Variants in MAST4 observed in about 807,000 individuals in gnomAD.
MAST4 encodes the protein microtubule-associated serine/threonine-protein kinase 4.
A neutral mutation model predicts 162.7 loss-of-function variants in MAST4; 89 were observed. That is an observed-to-expected ratio of 0.55 (90% CI 0.46 to 0.65). The LOEUF (loss-of-function observed/expected upper bound fraction) is 0.65, where lower values mean the gene tolerates loss of function less well. Among genes scored for constraint, MAST4 ranks in the 30% least tolerant of loss-of-function variants. The probability of loss-of-function intolerance (pLI) is 0.00; values close to 1 mark genes in which losing one functional copy is unlikely to be tolerated. For missense variants in MAST4, 3,153 were observed against 3,374.0 expected, an observed-to-expected ratio of 0.93 and a Z score of 1.62; for synonymous variants, 1,479 against 1,361.1, an observed-to-expected ratio of 1.09 and a Z score of -1.91.
intron 1 of MAST4, among the ~76,000 whole-genome samples, chr5:66,636,409 A>G (rs540617103): frequency 3.3e-5 from 5 of 152,314 alleles, no homozygotes; most frequent in Middle Eastern, 3.4e-3. Context: ...CATGTTTATT[A>G]CAGTGCTTTG....
At chr5:66,725,048 T>G (rs1751427468) in intron 1 of MAST4, among the ~76,000 whole-genome samples, 1 of 152,026 alleles carries the variant, frequency 6.6e-6, no homozygotes, top group African/African-American at 2.4e-5. Flanking sequence ...GAAATATTAT[T>G]TCATTTTAAA....
intron 3 of MAST4, among the ~76,000 whole-genome samples, chr5:66,813,590 T>A (rs1756577490): frequency 6.6e-6 from 1 of 152,212 alleles, no homozygotes; most frequent in African/African-American, 2.4e-5. Flanking sequence ...GAACAGAATA[T>A]CTCTGAGTCT....
At chr5:67,117,612 T>C (rs1374079804) in intron 12 of MAST4, among the ~76,000 whole-genome samples, 1 of 151,922 alleles carries the variant, frequency 6.6e-6, no homozygotes, top group Non-Finnish European at 1.5e-5. Flanking sequence ...AAACTATGAC[T>C]TTTATTATGC....
chr5:66,993,687 G>C (rs1297057267), intron 4 of MAST4, among the ~76,000 whole-genome samples: 1 of 152,156 alleles, frequency 6.6e-6, no homozygotes, highest in Non-Finnish European at 1.5e-5. Flanking sequence ...CTGTGTCTGA[G>C]GAGCTTAAAG....
At chr5:66,666,235 T>A (rs770324550) in intron 1 of MAST4, among the ~76,000 whole-genome samples, 1 of 152,206 alleles carries the variant, frequency 6.6e-6, no homozygotes, top group Non-Finnish European at 1.5e-5. Flanking sequence ...GCTCATATTT[T>A]TATTCTGGAT....
chr5:66,679,206 G>T (rs1748163412), intron 1 of MAST4, among the ~76,000 whole-genome samples: 1 of 152,214 alleles, frequency 6.6e-6, no homozygotes, highest in South Asian at 2.1e-4. Context: ...GGAGGCAGAG[G>T]GGATATTGAG....
intron 3 of MAST4, among the ~76,000 whole-genome samples, chr5:66,819,473 T>C (rs1311547329): frequency 2.6e-5 from 4 of 152,140 alleles, no homozygotes; most frequent in South Asian, 2.1e-4. Flanking sequence ...ACTTAGGGTT[T>C]AAAATAGTCA....
chr5:67,117,805 C>T (rs1390294577), intron 12 of MAST4, among the ~76,000 whole-genome samples: 1 of 152,024 alleles, frequency 6.6e-6, no homozygotes, highest in Non-Finnish European at 1.5e-5. Context: ...TTGATTGTCT[C>T]ATCTACTTCT....
chr5:66,907,244 C>T (rs1763431811), intron 4 of MAST4, among the ~76,000 whole-genome samples: 1 of 137,590 alleles, frequency 7.3e-6, no homozygotes, highest in African/African-American at 2.8e-5. Context: ...AGATAGAATC[C>T]CAGGTCACCA....
In MAST4 at chr5:66,664,065, C is replaced by T. The variant is rs2149464166; in HGVS notation, c.363+67047C>T. On this transcript the variant is annotated intron_variant, in intron 1 of 28. Coordinates refer to ENST00000403625, the MANE Select transcript of MAST4 (RefSeq NM_001164664.2). ...TAGGGTGTAAGAAAGAGAGGAGGTA[C>T]CAAGAGTTTCTGGTGTGAGAATAGA... Among the ~76,000 whole-genome samples the T allele has an allele frequency of 3.9e-5, 6 of 152,092 alleles. No homozygotes were observed. In the South Asian group the frequency reaches 1.3e-3, roughly 32 times the overall value.
Position 66,624,796 on chromosome 5 carries a change from T to C in MAST4, c.363+27778T>C, listed in dbSNP as rs976935107. Among the ~76,000 whole-genome samples, 6 of 152,272 alleles carry C rather than the reference T, an allele frequency of 3.9e-5. 1 individual carries two copies. The highest frequency in any genetic ancestry group is 2.6e-4 in the Admixed American group (4 of 15,306). ...TGCCAAGTGTGTAACGGGGAAAGGA[T>C]AGACTTTTCAGCAAAAGAATAAAAT... On this transcript the variant is annotated intron_variant, in intron 1 of 28. Coordinates refer to ENST00000403625, the MANE Select transcript of MAST4 (RefSeq NM_001164664.2).
chr5:67,094,796 A>G (rs1041848274), intron 6 of MAST4, among the ~76,000 whole-genome samples: 1 of 152,122 alleles, frequency 6.6e-6, no homozygotes, highest in African/African-American at 2.4e-5. Flanking sequence ...CACCCATTCT[A>G]TCATCACTTG....
intron 4 of MAST4, among the ~76,000 whole-genome samples, chr5:66,903,627 T>C (rs182184558): frequency 1.3e-5 from 2 of 152,280 alleles, no homozygotes; most frequent in East Asian, 3.9e-4. Flanking sequence ...TGTTTTAGTA[T>C]ATACTACCTC....
At chr5:67,090,396 TCTCCCC>T (rs2078494521) in intron 6 of MAST4, among the ~76,000 whole-genome samples, 165 bp downstream of exon 6, 1 of 61,322 alleles carries the variant, frequency 1.6e-5, no homozygotes, top group South Asian at 1.1e-3. Context: ...CACTTCCCCT[TCTCCCC>T]CTCCCCACTT....
chr5:67,045,346 A>G (rs554012374), intron 4 of MAST4, among the ~76,000 whole-genome samples: 50 of 152,334 alleles, frequency 3.3e-4, no homozygotes, highest in African/African-American at 1.2e-3. Context: ...GACAAGGTGA[A>G]TGTCAGCCAC....
chr5:66,871,916 A>G (rs138803760), intron 3 of MAST4, among the ~76,000 whole-genome samples: 3 of 152,316 alleles, frequency 2.0e-5, no homozygotes, highest in African/African-American at 4.8e-5. Flanking sequence ...AATTTTGCCA[A>G]TTCACTTATC....
intron 1 of MAST4, among the ~76,000 whole-genome samples, chr5:66,751,362 C>T (rs1326575393): frequency 2.0e-5 from 3 of 152,136 alleles, no homozygotes; most frequent in African/African-American, 4.8e-5. Context: ...TACAGGAGGA[C>T]ATTCAAACCA....
chr5:66,871,128 C>T (rs371688227), intron 3 of MAST4, among the ~76,000 whole-genome samples: 4 of 149,896 alleles, frequency 2.7e-5, no homozygotes, highest in South Asian at 2.1e-4. Flanking sequence ...GGCCAGTTTC[C>T]GGTACCAGTG....
intron 1 of MAST4, among the ~76,000 whole-genome samples, chr5:66,737,750 T>G (rs1752237674): frequency 6.6e-6 from 1 of 152,214 alleles, no homozygotes; most frequent in Admixed American, 6.5e-5. Flanking sequence ...TTTGCTAATA[T>G]TGATCACTCC....
Sources: allele counts gnomAD v4.1 joint callset (sites outside exome capture counted in the v4.1 genomes callset), GRCh38; gene constraint gnomAD v4.1.1; transcripts MANE v1.5; gene names NCBI Gene and HGNC (gene_info 2026-07-23, HGNC 2026-07-21).